ZZZ3: variants seen among roughly 807,000 people sequenced by gnomAD.
ZZZ3 encodes the protein ZZ-type zinc finger-containing protein 3.
A neutral mutation model predicts 95.2 loss-of-function variants in ZZZ3; 22 were observed. The observed-to-expected ratio is 0.23, with a 90% CI of 0.17 to 0.33. The LOEUF (loss-of-function observed/expected upper bound fraction) is 0.33. Ranked by LOEUF, ZZZ3 falls within the 10% of genes least tolerant of loss-of-function variation. The pLI is 1.00. For synonymous variants in ZZZ3, 335 were observed against 358.9 expected (o/e 0.93, Z 0.75); for missense variants, 885 against 1,066.5 (o/e 0.83, Z 2.37).
At chr1:77,584,760 G>A (rs1662921957) in intron 5 of ZZZ3, 105 bp from the exon 6 acceptor site, 3 of 855,762 alleles carry the variant, frequency 3.5e-6, no homozygotes, top group Non-Finnish European at 4.9e-6. Context: ...AGTCTTTTAA[G>A]AGTTACCTGA....
intron 1 of ZZZ3, among the ~76,000 whole-genome samples, chr1:77,661,186 T>C (rs1570639130): frequency 6.6e-6 from 1 of 151,318 alleles, no homozygotes; most frequent in South Asian, 2.1e-4. Flanking sequence ...GAGGCTGAGG[T>C]GGGCAGATCA....
Position 77,649,822 on chromosome 1 carries a change from G to A in ZZZ3, c.-402-8167C>T, listed in dbSNP as rs540132752. 7.3e-5 allele frequency among the ~76,000 whole-genome samples: 11 copies of A among 151,368 alleles called. No homozygotes were observed. The South Asian group carries it at 1.0e-3, about 14-fold the overall frequency. ...GCTTGAACCCAGGAGGCAGTGAGCC[G>A]AGATTGCGCCATGGCACTCCAGCCT... On this transcript the variant is annotated intron_variant, in intron 1 of 14. Transcript: ENST00000370801.
At chr1:77,646,613 C>T (rs1669301058) in intron 1 of ZZZ3, among the ~76,000 whole-genome samples, 1 of 152,168 alleles carries the variant, frequency 6.6e-6, no homozygotes, top group African/African-American at 2.4e-5. Context: ...GAGACTTATG[C>T]TTCTTGCCAA....
chr1:77,606,502 C>A (rs1363463595), intron 5 of ZZZ3, among the ~76,000 whole-genome samples: 1 of 151,840 alleles, frequency 6.6e-6, no homozygotes, highest in Non-Finnish European at 1.5e-5. Flanking sequence ...TAGGCTGTAG[C>A]CAGGTAGTGG....
intron 5 of ZZZ3, chr1:77,585,150 C>T (rs1014855594): frequency 6.6e-6 from 1 of 152,004 alleles, no homozygotes; most frequent in African/African-American, 2.4e-5. Flanking sequence ...TCTATTATAC[C>T]CTCCTTCCTA....
intron 6 of ZZZ3, 27 bp from the exon 7 acceptor site, chr1:77,582,153 TAA>T (rs755595823): frequency 1.3e-6 from 2 of 1,567,128 alleles, no homozygotes; most frequent in Non-Finnish European, 1.7e-6. Flanking sequence ...AAAAACAAAA[TAA>T]AGTAAAAGTC....
chr1:77,683,282 C>A (rs1438787262), upstream of ZZZ3: 3 of 151,050 alleles, frequency 2.0e-5, no homozygotes. Context: ...GGGTCGGACG[C>A]AACGGGCCAC....
intron 5 of ZZZ3, among the ~76,000 whole-genome samples, chr1:77,631,303 T>A (rs1236577496): frequency 6.6e-6 from 1 of 152,192 alleles, no homozygotes; most frequent in African/African-American, 2.4e-5. Flanking sequence ...ATATGCTAAT[T>A]ACAATATACT....
In ZZZ3 at chr1:77,633,377, C is replaced by T. The variant is rs201334886; in HGVS notation, c.-23G>A. The T allele has an allele frequency of 4.0e-5, 62 of 1,553,162 alleles. No individual in the cohort carries two copies. The highest frequency in any genetic ancestry group is 9.0e-5 in the East Asian group (4 of 44,334). Reference sequence around the variant, plus strand: ...CATACTATGGCAAGTCCCTACAATACGGTCATCATGATCCACTCATTGGGA... The same window carrying T: ...CATACTATGGCAAGTCCCTACAATATGGTCATCATGATCCACTCATTGGGA... On this transcript the variant is annotated 5_prime_UTR_variant, in exon 5 of 15. Transcript: ENST00000370801.
intron 1 of ZZZ3, among the ~76,000 whole-genome samples, chr1:77,667,044 T>C (rs1237727507): frequency 3.9e-5 from 6 of 152,250 alleles, no homozygotes; most frequent in Non-Finnish European, 8.8e-5. Context: ...TGTTCAATTA[T>C]AATTACTAGG....
intron 5 of ZZZ3, among the ~76,000 whole-genome samples, chr1:77,626,193 A>G (rs1455207100): frequency 6.6e-6 from 1 of 152,106 alleles, no homozygotes; most frequent in Non-Finnish European, 1.5e-5. Context: ...AAAATTACAT[A>G]TTTTAGAGCA....
intron 1 of ZZZ3, among the ~76,000 whole-genome samples, chr1:77,646,394 T>TAC (rs1436197618): frequency 2.0e-5 from 3 of 152,192 alleles, no homozygotes; most frequent in Admixed American, 1.3e-4. Context: ...CTAATTTTTG[T>TAC]ATTTTTTGTA....
intron 5 of ZZZ3, among the ~76,000 whole-genome samples, chr1:77,596,039 A>G (rs1664183627): frequency 6.6e-6 from 1 of 152,044 alleles, no homozygotes; most frequent in Non-Finnish European, 1.5e-5. Flanking sequence ...CAAGTAAAGA[A>G]TTTCTGTTAT....
At chr1:77,641,309 T>C (rs980633083) in intron 3 of ZZZ3, 75 bp downstream of exon 3, 12 of 361,408 alleles carry the variant, frequency 3.3e-5, no homozygotes, top group African/African-American at 1.9e-4. Context: ...GAGTTCACTA[T>C]AGGAAGATTA....
At chr1:77,674,301 C>A (rs1276184239) in intron 1 of ZZZ3, among the ~76,000 whole-genome samples, 1 of 152,022 alleles carries the variant, frequency 6.6e-6, no homozygotes, top group Non-Finnish European at 1.5e-5. Flanking sequence ...GATGAAGACA[C>A]AATAAAACAG....
At chr1:77,598,510 T>C (rs1664427537) in intron 5 of ZZZ3, among the ~76,000 whole-genome samples, 1 of 152,152 alleles carries the variant, frequency 6.6e-6, no homozygotes, top group African/African-American at 2.4e-5. Flanking sequence ...TTGTAGCCAC[T>C]ATTGCTTTAT....
intron 1 of ZZZ3, among the ~76,000 whole-genome samples, chr1:77,652,476 C>T (rs924298578): frequency 6.6e-6 from 1 of 152,168 alleles, no homozygotes; most frequent in South Asian, 2.1e-4. Flanking sequence ...GTTATTTGCA[C>T]CCTCATACAT....
In ZZZ3 at chr1:77,632,429, G is replaced by A; in HGVS notation, c.926C>T (p.Ser309Leu). The A allele has an allele frequency of 1.9e-6, 3 of 1,614,132 alleles. No homozygotes were observed. Among genetic ancestry groups the A allele is most frequent in the Non-Finnish European group, 2.5e-6 (3 of 1,180,008 alleles). Residue 309 changes from serine to leucine, a missense_variant, in exon 5 of 15, where the codon TCA becomes TTA. By Grantham distance (145) the Ser-to-Leu change is moderately radical. Coordinates refer to ENST00000370801, the MANE Select transcript of ZZZ3 (RefSeq NM_015534.6). The stretch of plus-strand genomic sequence containing the variant: ...TTCCTCCTCAGAATCCCTTAAAGAT[G>A]ACTGAGTTTCAGAAAAGGGCCCTGT... ...PATGPFSETQ[S>L]SLRDSEEEVD...
intron 5 of ZZZ3, among the ~76,000 whole-genome samples, chr1:77,606,856 G>T (rs1007655085): frequency 1.3e-5 from 2 of 152,170 alleles, no homozygotes; most frequent in African/African-American, 4.8e-5. Flanking sequence ...AAGAAGGACA[G>T]CTACAAACAA....
Sources: allele counts gnomAD v4.1 joint callset (sites outside exome capture counted in the v4.1 genomes callset), GRCh38; gene constraint gnomAD v4.1.1; transcripts MANE v1.5; gene names NCBI Gene and HGNC (gene_info 2026-07-23, HGNC 2026-07-21).